ARMH3: variants seen among roughly 807,000 people sequenced by gnomAD.
ARMH3 encodes the protein armadillo-like helical domain-containing protein 3.
ARMH3 carries 60 observed loss-of-function variants against 99.1 expected under a neutral mutation model. The observed-to-expected ratio is 0.61, with a 90% CI of 0.49 to 0.75. ARMH3 has a LOEUF of 0.75. ARMH3 is among the 30% of genes least tolerant of loss of function. The pLI, the probability that ARMH3 is intolerant of heterozygous loss-of-function variation, is 0.00. For missense variants in ARMH3, 679 were observed against 843.1 expected, an observed-to-expected ratio of 0.81 and a Z score of 2.41; for synonymous variants, 285 against 292.8, an observed-to-expected ratio of 0.97 and a Z score of 0.27.
intron 4 of ARMH3, among the ~76,000 whole-genome samples, chr10:102,032,276 T>A (rs368551794): frequency 3.3e-5 from 5 of 152,318 alleles, no homozygotes; most frequent in Non-Finnish European, 7.3e-5. Flanking sequence ...CTGTAGTATA[T>A]CTCTATCATC....
intron 22 of ARMH3, among the ~76,000 whole-genome samples, chr10:101,947,602 A>G (rs936249251): frequency 6.6e-6 from 1 of 152,100 alleles, no homozygotes; most frequent in Non-Finnish European, 1.5e-5. Flanking sequence ...GGAGTTCAAA[A>G]CCAGCCTGAC....
chr10:101,859,380 A>G (rs11191133), intron 24 of ARMH3, among the ~76,000 whole-genome samples: 1 of 152,248 alleles, frequency 6.6e-6, no homozygotes, highest in African/African-American at 2.4e-5. Flanking sequence ...TAGCTTGGAC[A>G]TATCTGTGAC....
chr10:101,998,685 GTC>G (rs2066275454), intron 15 of ARMH3, among the ~76,000 whole-genome samples: 1 of 152,044 alleles, frequency 6.6e-6, no homozygotes, highest in Admixed American at 6.6e-5. Flanking sequence ...CACTCTAAAA[GTC>G]TCCGAATCCT....
chr10:101,997,060 T>C (rs1206060508), intron 15 of ARMH3, among the ~76,000 whole-genome samples: 2 of 149,704 alleles, frequency 1.3e-5, no homozygotes, highest in Non-Finnish European at 3.0e-5. Context: ...AGGTCAGGAG[T>C]TGGAGACAAG....
At chr10:101,937,761 AAG>A (rs1491362508) in intron 23 of ARMH3, among the ~76,000 whole-genome samples, 1 of 152,210 alleles carries the variant, frequency 6.6e-6, no homozygotes, top group Non-Finnish European at 1.5e-5. Flanking sequence ...CAGAAAAAAA[AAG>A]GGTAAACATT....
chr10:102,053,690 C>G (rs929335659), intron 1 of ARMH3, among the ~76,000 whole-genome samples: 26 of 149,616 alleles, frequency 1.7e-4, no homozygotes, highest in African/African-American at 5.7e-4. Context: ...GAGGGAGTCT[C>G]GCTCTGTCGC....
At chr10:102,055,819 T>C (rs938693090) in intron 1 of ARMH3, among the ~76,000 whole-genome samples, 4 of 152,160 alleles carry the variant, frequency 2.6e-5, no homozygotes, top group African/African-American at 9.7e-5. Context: ...GAGAGGGACG[T>C]GACCGGGACC....
chr10:102,003,008 G>C (rs995780499), intron 14 of ARMH3, among the ~76,000 whole-genome samples: 7 of 143,342 alleles, frequency 4.9e-5, no homozygotes, highest in Admixed American at 1.4e-4. Flanking sequence ...AATAAAAACA[G>C]ATGAACATTA....
chr10:102,015,651 A>C (rs970733478), intron 8 of ARMH3, among the ~76,000 whole-genome samples: 2 of 152,078 alleles, frequency 1.3e-5, no homozygotes, highest in Non-Finnish European at 2.9e-5. Flanking sequence ...CGGCCTCCCA[A>C]AGTGCTGGGA....
chr10:101,878,878 A>C lies in ARMH3; in HGVS notation c.1860+10534T>G, dbSNP rs550894336. ...GTCATCACGTCCCTTTAGTGTGTAGAAGAAACTTTATTTCTCATAGGGACC... is the reference window on the plus strand; with the variant it reads ...GTCATCACGTCCCTTTAGTGTGTAGCAGAAACTTTATTTCTCATAGGGACC... On this transcript the variant is annotated intron_variant, in intron 24 of 25. Transcript: ENST00000370033. Among the ~76,000 whole-genome samples the C allele has an allele frequency of 9.2e-5, 14 of 152,272 alleles. No individual in the cohort carries two copies. The East Asian group carries it at 2.7e-3, about 29-fold the overall frequency.
intron 8 of ARMH3, among the ~76,000 whole-genome samples, chr10:102,020,002 C>T (rs771202683): frequency 2.0e-5 from 3 of 151,290 alleles, no homozygotes; most frequent in Non-Finnish European, 4.4e-5. Context: ...AGGTGGATCA[C>T]GTGAGGTCAG....
At chr10:101,866,262 A>G (rs2067000462) in intron 24 of ARMH3, among the ~76,000 whole-genome samples, 1 of 152,010 alleles carries the variant, frequency 6.6e-6, no homozygotes, top group East Asian at 1.9e-4. Context: ...CAGTTCTCAT[A>G]TATTTTTCAT....
chr10:101,882,642 A>C (rs1156417998), intron 24 of ARMH3, among the ~76,000 whole-genome samples: 1 of 152,122 alleles, frequency 6.6e-6, no homozygotes, highest in Admixed American at 6.6e-5. Context: ...TGAGATTACA[A>C]GCACATGCCA....
At chr10:101,971,871 G>A (rs1025638663) in intron 20 of ARMH3, among the ~76,000 whole-genome samples, 6 of 152,266 alleles carry the variant, frequency 3.9e-5, no homozygotes, top group Admixed American at 2.6e-4. Flanking sequence ...TACTCAGACT[G>A]GGAGATCTGG....
chr10:101,944,360 A>G (rs1456273587), intron 22 of ARMH3, among the ~76,000 whole-genome samples: 2 of 146,836 alleles, frequency 1.4e-5, no homozygotes, highest in African/African-American at 5.0e-5. Flanking sequence ...GCAGGGTCAA[A>G]AAATTTGAAG....
chr10:101,950,268 C>T (rs1466437889), intron 22 of ARMH3, among the ~76,000 whole-genome samples: 5 of 152,100 alleles, frequency 3.3e-5, no homozygotes, highest in African/African-American at 1.2e-4. Context: ...AGTGAGATGA[C>T]AGGATACAAG....
At chr10:101,971,770 T>G (rs1845782052) in intron 20 of ARMH3, among the ~76,000 whole-genome samples, 1 of 152,178 alleles carries the variant, frequency 6.6e-6, no homozygotes. Flanking sequence ...TTTCATTCTA[T>G]TCTCAAAAGT....
chr10:101,881,997 C>T (rs149514116), intron 24 of ARMH3, among the ~76,000 whole-genome samples: 2 of 152,140 alleles, frequency 1.3e-5, no homozygotes, highest in African/African-American at 2.4e-5. Flanking sequence ...CACTGGTAAG[C>T]TAACAATAAC....
In ARMH3 at chr10:101,849,761, C is replaced by A. The variant is rs759520592; in HGVS notation, c.1977+15G>T. On this transcript the variant is annotated intron_variant, in intron 25 of 25. Coordinates refer to ENST00000370033, the MANE Select transcript of ARMH3 (RefSeq NM_024541.3). Reference sequence around the variant, plus strand: ...CGGGCCCCTAAGACACAGGCAGAGGCGGTGGGGCACTCACCAGCTCTTTGA... The same window carrying A: ...CGGGCCCCTAAGACACAGGCAGAGGAGGTGGGGCACTCACCAGCTCTTTGA... 2.8e-5 allele frequency: 45 copies of A among 1,607,794 alleles called. No homozygotes were observed. Among genetic ancestry groups the A allele is most frequent in the Non-Finnish European group, 3.7e-5 (44 of 1,174,704 alleles).
Sources: gnomAD v4.1 joint callset for allele counts (sites outside exome capture counted in the v4.1 genomes callset) on GRCh38, gnomAD v4.1.1 for gene constraint, MANE v1.5 for transcripts, NCBI Gene and HGNC (gene_info 2026-07-23, HGNC 2026-07-21) for gene names.